The following GSTK1 variants were observed in gnomAD, a reference collection of about 807,000 sequenced individuals.
The protein encoded by GSTK1 is glutathione S-transferase kappa 1, also known as GST class-kappa.
A neutral mutation model predicts 30.9 loss-of-function variants in GSTK1; 25 were observed. The ratio of observed to expected loss-of-function variants is 0.81; its 90% confidence interval spans 0.59 to 1.13. The LOEUF is 1.13. Among genes scored for constraint, GSTK1 ranks in the 50% most tolerant of loss-of-function variants. The probability of loss-of-function intolerance (pLI) is 0.00; values close to 1 mark genes in which losing one functional copy is unlikely to be tolerated. For missense variants in GSTK1, 292 were observed against 292.4 expected (o/e 1.00, Z 0.01); for synonymous variants, 108 against 112.5 (o/e 0.96, Z 0.25).
At chr7:143,266,213 T>C (rs1404958373) in intron 5 of GSTK1, among the ~76,000 whole-genome samples, 1 of 151,862 alleles carries the variant, frequency 6.6e-6, no homozygotes, top group Non-Finnish European at 1.5e-5. Context: ...TTATTTTTTG[T>C]AGAGAAGGGG....
At chr7:143,264,504 C>G in intron 2 of GSTK1, 44 bp from the exon 3 acceptor site, 5 of 1,611,780 alleles carry the variant, frequency 3.1e-6, no homozygotes, top group Non-Finnish European at 4.2e-6. Flanking sequence ...ACCTGGGACC[C>G]TTAGGTCTTT....
chr7:143,267,943 C>A, intron 6 of GSTK1, 148 bp from the exon 7 acceptor site: 1 of 713,852 alleles, frequency 1.4e-6, no homozygotes, highest in Non-Finnish European at 2.4e-6. Context: ...AAGAGAGCAT[C>A]TTAGAAACAG....
chr7:143,263,835 C>T, intron 1 of GSTK1: 1 of 602,654 alleles, frequency 1.7e-6, no homozygotes, highest in Non-Finnish European at 2.9e-6. Flanking sequence ...CGGCTCCAAA[C>T]ATTCAGGGAG....
rs1363124039 is a variant in GSTK1, at chr7:143,267,734, G to A, written c.537+1G>A. ...CACTGAGGCAGCCTGCAGATACGGA[G>A]TGAGCAGCTCTTTATGTGTGTTCCC... On this transcript the variant is annotated splice_donor_variant, in intron 6 of 7. Transcript: ENST00000358406. LOFTEE classifies it high-confidence loss of function. 1.9e-6 allele frequency: 3 copies of A among 1,596,322 alleles called. No individual in the cohort carries two copies. The highest frequency in any genetic ancestry group is 1.3e-5 in the African/African-American group (1 of 74,614).
chr7:143,268,958 C>A lies in GSTK1; in HGVS notation c.*121C>A. On this transcript the variant is annotated 3_prime_UTR_variant, in exon 8 of 8. Transcript: ENST00000358406. The surrounding 1 kb of genome is among the most constrained non-coding windows in gnomAD (Gnocchi z 4.1). ...ATCTGATAGAGGTATTTTCTGTGGC[C>A]CTGGGAGCTGTCTGTCTTTCCCCTA... 1 of 848,474 alleles carries A rather than the reference C, an allele frequency of 1.2e-6. No individual in the cohort carries two copies. Among genetic ancestry groups the A allele is most frequent in the Non-Finnish European group, 2.0e-6 (1 of 508,876 alleles). The allele number at this position is 848,474 out of a possible 1,614,324, so 52.6% of individuals were successfully genotyped here.
rs1456984863 is a variant in GSTK1 at position 143,263,570 on chromosome 7, C to G, written c.57C>G (p.Ser19=). 5 of 1,609,768 alleles carry G rather than the reference C, an allele frequency of 3.1e-6. No homozygotes were observed. The Admixed American group carries it at 8.3e-5, about 27-fold the overall frequency. The change falls in exon 1 of 8, where the codon TCC becomes TCG. Residue 19 remains serine (S), a synonymous_variant. Transcript: ENST00000358406. ...ELFYDVLSPY[S]WLGFEILCRY... is the part of the protein sequence containing the mutation. ...TCTATGACGTGCTGTCCCCCTACTCCTGGCTGGGCTTCGAGGTGACGCTGG... is the reference window on the plus strand; with the variant it reads ...TCTATGACGTGCTGTCCCCCTACTCGTGGCTGGGCTTCGAGGTGACGCTGG...
At chr7:143,266,485 C>T (rs1164344070) in intron 5 of GSTK1, among the ~76,000 whole-genome samples, 1 of 151,972 alleles carries the variant, frequency 6.6e-6, no homozygotes, top group Non-Finnish European at 1.5e-5. Context: ...GATAGTGTCT[C>T]ATTAGGACAG....
intron 1 of GSTK1, 57 bp downstream of exon 1, chr7:143,263,642 G>GT: frequency 6.7e-7 from 1 of 1,502,618 alleles, no homozygotes; most frequent in Non-Finnish European, 9.2e-7. Flanking sequence ...GGAGGGAAGA[G>GT]TGAGCGCAGG....
At chr7:143,266,118 C>G (rs1010413004) in intron 5 of GSTK1, among the ~76,000 whole-genome samples, 1 of 147,838 alleles carries the variant, frequency 6.8e-6, no homozygotes, top group African/African-American at 2.5e-5. Context: ...GTACCCTTTG[C>G]CTCCTGGACT....
chr7:143,265,370 A>G, intron 5 of GSTK1, 74 bp downstream of exon 5: 1 of 1,263,200 alleles, frequency 7.9e-7, no homozygotes, highest in Non-Finnish European at 1.1e-6. Context: ...GGTAAAGAAG[A>G]CAATAGGTCT....
At chr7:143,264,828 G>A in intron 3 of GSTK1, 152 bp downstream of exon 3, 2 of 1,305,208 alleles carry the variant, frequency 1.5e-6, no homozygotes, top group South Asian at 1.3e-5. Context: ...GCTGAAGGTT[G>A]CCGGGCATGA....
In GSTK1 at chr7:143,264,989, C is replaced by G. The variant is rs753368454; in HGVS notation, c.284-3C>G. On this transcript the variant is annotated splice_polypyrimidine_tract_variant and splice_region_variant and intron_variant, in intron 3 of 7. Coordinates refer to ENST00000358406, the MANE Select transcript of GSTK1 (RefSeq NM_015917.3). Reference sequence around the variant, plus strand: ...CCTGCCTCTGGGTGCCTCTGCCCCACAGGAAGTTTGTCTGCCATGCGTTTC... The same window carrying G: ...CCTGCCTCTGGGTGCCTCTGCCCCAGAGGAAGTTTGTCTGCCATGCGTTTC... The G allele has an allele frequency of 6.2e-7, 1 of 1,613,632 alleles. No individual in the cohort carries two copies. Among genetic ancestry groups the G allele is most frequent in the Non-Finnish European group, 8.5e-7 (1 of 1,179,652 alleles).
At chr7:143,267,376 C>T (rs1800909933) in intron 5 of GSTK1, among the ~76,000 whole-genome samples, 1 of 152,150 alleles carries the variant, frequency 6.6e-6, no homozygotes, top group Non-Finnish European at 1.5e-5. Flanking sequence ...TCTAAGATGT[C>T]CGCTGGTGTT....
At position 143,265,663 on chromosome 7, in the gene GSTK1, G is replaced by A. The variant is rs1261029782; in HGVS notation, c.420+367G>A. ...ACCAACACATCCAGAGTGGAAGGCA[G>A]GAGACTTGTTCCAAGAGGCTTTAAA... On this transcript the variant is annotated intron_variant, in intron 5 of 7. Coordinates refer to ENST00000358406, the MANE Select transcript of GSTK1 (RefSeq NM_015917.3). 2.0e-5 allele frequency among the ~76,000 whole-genome samples: 3 copies of A among 152,172 alleles called. No homozygotes were observed. The East Asian group carries it at 5.8e-4, about 29-fold the overall frequency.
intron 5 of GSTK1, among the ~76,000 whole-genome samples, chr7:143,265,911 A>C (rs918596476): frequency 5.3e-5 from 8 of 152,204 alleles, no homozygotes; most frequent in Non-Finnish European, 1.2e-4. Context: ...AAATCACACA[A>C]AAGTTAAACG....
chr7:143,264,904 C>G (rs1005483424), intron 3 of GSTK1, 88 bp from the exon 4 acceptor site: 1 of 1,435,848 alleles, frequency 7.0e-7, no homozygotes, highest in African/African-American at 1.4e-5. Flanking sequence ...CGGAGGAGCT[C>G]TGGGGGATGT....
In GSTK1 at chr7:143,264,580, G is replaced by T; in HGVS notation, c.187G>T (p.Gly63Ter). 6.2e-7 allele frequency: 1 copy of T among 1,614,048 alleles called. No homozygotes were observed. Among genetic ancestry groups the T allele is most frequent in the Non-Finnish European group, 8.5e-7 (1 of 1,179,914 alleles). ...GCCTCCAGGTCTGCTTCCCCGCAAA[G>T]GACTATACATGGCAAATGACTTAAA... ...NKPPGLLPRK[G>*]LYMANDLKLL... The change falls in exon 3 of 8, where the codon GGA becomes TGA. Residue 63 changes from glycine to a stop codon, truncating the protein, a stop_gained. Transcript: ENST00000358406. LOFTEE classifies it high-confidence loss of function.
At position 143,268,926 on chromosome 7, in the gene GSTK1, T is replaced by C; in HGVS notation, c.*89T>C. 1 of 1,080,112 alleles carries C rather than the reference T, an allele frequency of 9.3e-7. No individual in the cohort carries two copies. The highest frequency in any genetic ancestry group is 1.4e-6 in the Non-Finnish European group (1 of 698,150). The allele number at this position is 1,080,112 out of a possible 1,614,324, so 66.9% of individuals were successfully genotyped here. On this transcript the variant is annotated 3_prime_UTR_variant, in exon 8 of 8. Transcript: ENST00000358406. This position sits in a 1 kb window ranked among gnomAD's most constrained non-coding sequence, Gnocchi z 4.1. The stretch of plus-strand genomic sequence containing the variant: ...CCACCATAAGGCACTGGGACTCGGA[T>C]TTCTCTATCTGATAGAGGTATTTTC...
chr7:143,267,529 G>A, intron 5 of GSTK1, 88 bp from the exon 6 acceptor site: 1 of 1,019,602 alleles, frequency 9.8e-7, no homozygotes, highest in Non-Finnish European at 1.5e-6. Context: ...AAACTTGGGG[G>A]CAGAAAATAA....
Sources: allele counts gnomAD v4.1 joint callset (sites outside exome capture counted in the v4.1 genomes callset), GRCh38; gene constraint gnomAD v4.1.1; non-coding constraint Gnocchi (gnomAD v3.1); transcripts MANE v1.5; gene names NCBI Gene and HGNC (gene_info 2026-07-23, HGNC 2026-07-21).